ZNF730: variants seen among roughly 807,000 people sequenced by gnomAD.
ZNF730 encodes zinc finger protein 730.
ZNF730 carries 12 observed loss-of-function variants against 12.6 expected under a neutral mutation model. That is an observed-to-expected ratio of 0.95 (90% confidence interval 0.61 to 1.54). The LOEUF (loss-of-function observed/expected upper bound fraction) is 1.54, where lower values mean the gene tolerates loss of function less well. ZNF730 is among the 40% of genes most tolerant of loss of function. The pLI is 0.00. For synonymous variants in ZNF730, 194 were observed against 195.8 expected, an observed-to-expected ratio of 0.99 and a Z score of 0.08; for missense variants, 643 against 583.5, an observed-to-expected ratio of 1.10 and a Z score of -1.05.
chr19:23,127,009 G>A (rs545165115), intron 1 of ZNF730: 22 of 507,458 alleles, frequency 4.3e-5, no homozygotes, highest in Admixed American at 1.1e-4. Context: ...AAAAACTTGC[G>A]TATATCTGTA....
At chr19:23,088,447 GTTTT>G (rs1382105476) in intron 1 of ZNF730, among the ~76,000 whole-genome samples, 1 of 151,818 alleles carries the variant, frequency 6.6e-6, no homozygotes, top group South Asian at 2.1e-4. Context: ...ATTGAGAGGG[GTTTT>G]TTTGTTTGTT....
At chr19:23,144,074 G>A (rs1034134067) in intron 3 of ZNF730, 1 of 150,920 alleles carries the variant, frequency 6.6e-6, no homozygotes, top group Admixed American at 6.6e-5. Context: ...ATTTTCTGTA[G>A]TCTGTGTTCC....
At chr19:23,111,171 A>G (rs192697323) in intron 1 of ZNF730, among the ~76,000 whole-genome samples, 119 of 152,228 alleles carry the variant, frequency 7.8e-4, no homozygotes, top group South Asian at 1.4e-3. Context: ...TGACTCTTCT[A>G]AATTACTAAA....
At chr19:23,140,626 A>T (rs1970903015) in intron 3 of ZNF730, among the ~76,000 whole-genome samples, 1 of 142,128 alleles carries the variant, frequency 7.0e-6, no homozygotes, top group Non-Finnish European at 1.6e-5. Context: ...AAAAAAAAAG[A>T]TGTAAAAACA....
intron 1 of ZNF730, among the ~76,000 whole-genome samples, chr19:23,082,306 A>AC (rs1969978799): frequency 6.6e-6 from 1 of 152,054 alleles, no homozygotes; most frequent in African/African-American, 2.4e-5. Context: ...ATTTCACTTA[A>AC]CATGATATCC....
At chr19:23,126,553 G>A (rs1409159226) in intron 1 of ZNF730, 6 of 413,684 alleles carry the variant, frequency 1.5e-5, no homozygotes, top group Middle Eastern at 3.8e-4. Flanking sequence ...TTTTCAACAG[G>A]AAGGCAGAAT....
At chr19:23,080,822 TTC>T (rs974454087) in intron 1 of ZNF730, among the ~76,000 whole-genome samples, 9 of 151,446 alleles carry the variant, frequency 5.9e-5, no homozygotes, top group African/African-American at 2.2e-4. Flanking sequence ...ATTTCTTTTT[TTC>T]TGTTTTGTTT....
rs1204020278 is a variant in ZNF730 at position 23,146,013 on chromosome 19, G to T, written c.969G>T (p.Trp323Cys). ...AAAAATGTGGCAAAGCTTTTAAGTG[G>T]TCCTCAACCCTTACAAAACATAAAA... Reference protein sequence around the residue: ...KCEKCGKAFKWSSTLTKHKRI... With the variant: ...KCEKCGKAFKCSSTLTKHKRI... The change falls in exon 4 of 4, where the codon TGG (tryptophan) becomes TGT (cysteine). Residue 323 changes from tryptophan (W) to cysteine (C), a missense_variant. Trp to Cys is a radical substitution (Grantham distance 215, BLOSUM62 -2). Coordinates refer to ENST00000597761, the MANE Select transcript of ZNF730 (RefSeq NM_001277403.2). 3 of 1,606,238 alleles carry T rather than the reference G, an allele frequency of 1.9e-6. No individual in the cohort carries two copies. The highest frequency in any genetic ancestry group is 2.2e-5 in the East Asian group (1 of 44,706).
At chr19:23,077,718 A>G (rs1189882584) in intron 1 of ZNF730, among the ~76,000 whole-genome samples, 1 of 152,132 alleles carries the variant, frequency 6.6e-6, no homozygotes, top group Non-Finnish European at 1.5e-5. Context: ...CTGGGGTTAC[A>G]GGCGTGAGGC....
At chr19:23,139,614 T>C (rs1970885193) in intron 3 of ZNF730, among the ~76,000 whole-genome samples, 1 of 152,184 alleles carries the variant, frequency 6.6e-6, no homozygotes, top group South Asian at 2.1e-4. Flanking sequence ...AACATCCACC[T>C]CCTGAATTCA....
rs200321634 is a variant in ZNF730, at chr19:23,093,354, ATCTT to A, written c.-94+17972_-94+17975del. ...TACATCTGGTGGAATTCAACTGTGA[ATCTT>A]TCTTCCCATGGGGACTCAGGGACCA... On this transcript the variant is annotated intron_variant, in intron 1 of 2. Transcript: ENST00000593635. Among the ~76,000 whole-genome samples the A allele has an allele frequency of 4.2e-3, 638 of 152,312 alleles. 4 individuals are homozygous for A. The highest frequency in any genetic ancestry group is 0.014 in the African/African-American group (602 of 41,574).
At chr19:23,080,858 T>C (rs1258995121) in intron 1 of ZNF730, among the ~76,000 whole-genome samples, 1 of 149,608 alleles carries the variant, frequency 6.7e-6, no homozygotes, top group Non-Finnish European at 1.5e-5. Context: ...TTTTTTTTTT[T>C]TTTTTGAGAT....
chr19:23,112,449 C>A (rs1970471007), upstream of ZNF730, among the ~76,000 whole-genome samples: 1 of 152,120 alleles, frequency 6.6e-6, no homozygotes, highest in African/African-American at 2.4e-5. Context: ...GCAGGCCAGG[C>A]ACGGTGGCTA....
At chr19:23,134,233 C>G (rs1175622828) in intron 2 of ZNF730, 27 bp downstream of exon 2, 1 of 1,543,384 alleles carries the variant, frequency 6.5e-7, no homozygotes, top group East Asian at 2.3e-5. Flanking sequence ...TATACAATTC[C>G]TAATATACCC....
intron 1 of ZNF730, among the ~76,000 whole-genome samples, chr19:23,132,087 A>G (rs989563157): frequency 6.6e-6 from 1 of 152,198 alleles, no homozygotes; most frequent in Admixed American, 6.5e-5. Context: ...AAGGAGAAAC[A>G]TATTTTTACA....
At chr19:23,109,676 G>T (rs1329108091) in intron 1 of ZNF730, among the ~76,000 whole-genome samples, 1 of 152,070 alleles carries the variant, frequency 6.6e-6, no homozygotes, top group East Asian at 1.9e-4. Context: ...GGCTCCCCAA[G>T]TGCTGGGATT....
In ZNF730 at chr19:23,117,170, A is replaced by T; in HGVS notation, c.-4A>T. 6.2e-7 allele frequency: 1 copy of T among 1,613,848 alleles called. No individual in the cohort carries two copies. The highest frequency in any genetic ancestry group is 8.5e-7 in the Non-Finnish European group (1 of 1,179,800). On this transcript the variant is annotated 5_prime_UTR_variant, in exon 1 of 4. Coordinates refer to ENST00000597761, the MANE Select transcript of ZNF730 (RefSeq NM_001277403.2). ...AGACGCCAGGGCCCCCTGGAAGCCT[A>T]GAAATGGTGAGAGTGCCGGTCCGAC...
chr19:23,117,114 C>T lies in ZNF730; in HGVS notation c.-60C>T. On this transcript the variant is annotated 5_prime_UTR_variant, in exon 1 of 4. Coordinates refer to ENST00000597761, the MANE Select transcript of ZNF730 (RefSeq NM_001277403.2). Reference sequence around the variant, plus strand: ...TAGAAGCCCAGCCTGTGTGGCCCTGCGACCTGCGGGTATTGGGAGATCCAC... The same window carrying T: ...TAGAAGCCCAGCCTGTGTGGCCCTGTGACCTGCGGGTATTGGGAGATCCAC... 6.2e-7 allele frequency: 1 copy of T among 1,612,492 alleles called. No individual in the cohort carries two copies. Among genetic ancestry groups the T allele is most frequent in the Non-Finnish European group, 8.5e-7 (1 of 1,178,870 alleles).
chr19:23,117,556 C>T (rs1000916389), intron 1 of ZNF730, among the ~76,000 whole-genome samples: 1 of 152,140 alleles, frequency 6.6e-6, no homozygotes, highest in African/African-American at 2.4e-5. Flanking sequence ...ATTCCTCTTT[C>T]CTTCTGTTAA....
Sources: gnomAD v4.1 joint callset for allele counts (sites outside exome capture counted in the v4.1 genomes callset) on GRCh38, gnomAD v4.1.1 for gene constraint, MANE v1.5 for transcripts, NCBI Gene and HGNC (gene_info 2026-07-23, HGNC 2026-07-21) for gene names.